The following ABLIM1 variants were observed in gnomAD, a reference collection of about 807,000 sequenced individuals.
ABLIM1 encodes the protein actin binding LIM protein 1, also known as actin-binding LIM protein 1.
ABLIM1 carries 40 observed loss-of-function variants against 107.0 expected under a neutral mutation model. The ratio of observed to expected loss-of-function variants is 0.37; its 90% confidence interval spans 0.29 to 0.49. ABLIM1 has a LOEUF of 0.49. Among genes scored for constraint, ABLIM1 ranks in the 20% least tolerant of loss-of-function variants. The probability of loss-of-function intolerance (pLI) is 0.97; values close to 1 mark genes in which losing one functional copy is unlikely to be tolerated. For missense variants in ABLIM1, 857 were observed against 1,008.5 expected (o/e 0.85, Z 2.04); for synonymous variants, 357 against 357.3 (o/e 1.00, Z 0.01).
chr10:114,647,278 C>T (rs2497700), intron 1 of ABLIM1, among the ~76,000 whole-genome samples: 3,254 of 146,132 alleles, frequency 0.022, 103 homozygotes, highest in African/African-American at 0.085. Flanking sequence ...AGATTACAGG[C>T]GTGAGCCACC....
In ABLIM1 at chr10:114,656,603, GA is replaced by G. The variant is rs976118893; in HGVS notation, c.244+1353del. On this transcript the variant is annotated intron_variant, in intron 1 of 22. Transcript: ENST00000533213. The stretch of plus-strand genomic sequence containing the variant: ...ACATTACCCATCTGACACGAAAAAA[GA>G]AAAAAAAACCTTGTATATGGATATG... 6.0e-5 allele frequency among the ~76,000 whole-genome samples: 9 copies of G among 149,794 alleles called. No homozygotes were observed. In the East Asian group the frequency reaches 1.2e-3, roughly 20 times the overall value.
chr10:114,651,137 C>T (rs1476385284), intron 1 of ABLIM1, among the ~76,000 whole-genome samples: 1 of 152,138 alleles, frequency 6.6e-6, no homozygotes, highest in Non-Finnish European at 1.5e-5. Flanking sequence ...GGCAGGGGGA[C>T]AATTTAATGC....
intron 12 of ABLIM1, 42 bp from the exon 13 acceptor site, chr10:114,453,525 G>C: frequency 7.0e-7 from 1 of 1,425,602 alleles, no homozygotes; most frequent in Non-Finnish European, 9.4e-7. Flanking sequence ...AGAGAAGGGA[G>C]AGAGAAACAA....
chr10:114,667,888 G>A (rs940244571), intron 1 of ABLIM1, among the ~76,000 whole-genome samples: 1 of 152,194 alleles, frequency 6.6e-6, no homozygotes, highest in African/African-American at 2.4e-5. Flanking sequence ...TCTCCAGTGT[G>A]TTAGAAATCA....
chr10:114,491,012 G>GTGTGTGTGTATATATATATATA, intron 7 of ABLIM1, among the ~76,000 whole-genome samples: 36 of 92,370 alleles, frequency 3.9e-4, no homozygotes, highest in African/African-American at 1.3e-3. Flanking sequence ...GTGTGTGTGT[G>GTGTGTGTGTATATATATATATA]TATATATATA....
At chr10:114,698,022 G>A (rs894122993) in intron 1 of ABLIM1, among the ~76,000 whole-genome samples, 1 of 151,620 alleles carries the variant, frequency 6.6e-6, no homozygotes, top group African/African-American at 2.4e-5. Context: ...CCCCCACATA[G>A]AAATCTCTGT....
At chr10:114,643,576 A>ATTTTTT (rs1214779180) in intron 1 of ABLIM1, among the ~76,000 whole-genome samples, 2 of 145,992 alleles carry the variant, frequency 1.4e-5, no homozygotes, top group African/African-American at 5.2e-5. Flanking sequence ...TTATATCCAG[A>ATTTTTT]TTCTTTTTTT....
At chr10:114,646,844 C>T (rs1425133111) in intron 1 of ABLIM1, among the ~76,000 whole-genome samples, 1 of 152,096 alleles carries the variant, frequency 6.6e-6, no homozygotes, top group Non-Finnish European at 1.5e-5. Context: ...TTAAAATAGA[C>T]CAATTGAACC....
chr10:114,591,622 CA>C (rs929755186), intron 2 of ABLIM1, among the ~76,000 whole-genome samples: 1 of 150,614 alleles, frequency 6.6e-6, no homozygotes, highest in African/African-American at 2.4e-5. Flanking sequence ...CTGGGAACCG[CA>C]AAAAAAAATT....
At chr10:114,504,208 T>C (rs1021204815) in intron 6 of ABLIM1, among the ~76,000 whole-genome samples, 3 of 152,170 alleles carry the variant, frequency 2.0e-5, no homozygotes, top group African/African-American at 7.2e-5. Flanking sequence ...TTGTTAACAA[T>C]ACCCTTTGTA....
Position 114,545,070 on chromosome 10 carries a change from A to G in ABLIM1, c.829T>C (p.Tyr277His), listed in dbSNP as rs767565289. The G allele has an allele frequency of 1.1e-5, 17 of 1,614,174 alleles. No homozygotes were observed. Among genetic ancestry groups the G allele is most frequent in the South Asian group, 2.2e-5 (2 of 91,082 alleles). The change falls in exon 6 of 23, where the codon TAC becomes CAC. Residue 277 changes from tyrosine (Y) to histidine (H), a missense_variant. By Grantham distance (83) the Tyr-to-His change is moderately conservative. This residue lies in a region of ABLIM1 where 381 missense variants were observed against 506.9 expected (regional missense o/e 0.75). Transcript: ENST00000533213. Reference sequence around the variant, plus strand: ...CATTTCACCCCAAAGAGTCCCTGGTAGTCCTTTTCACAGTACGGAGCACCA... The same window carrying G: ...CATTTCACCCCAAAGAGTCCCTGGTGGTCCTTTTCACAGTACGGAGCACCA... ...KDGAPYCEKD[Y>H]QGLFGVKCEA...
At chr10:114,777,753 T>G in the ABLIM1 span, among the ~76,000 whole-genome samples, 1 of 152,176 alleles carries the variant, frequency 6.6e-6, no homozygotes, top group African/African-American at 2.4e-5. Flanking sequence ...TCAAGCATGA[T>G]TCTTAGTCTT....
intron 1 of ABLIM1, among the ~76,000 whole-genome samples, chr10:114,767,132 A>ACT (rs1249995971): frequency 4.6e-5 from 3 of 64,826 alleles, no homozygotes; most frequent in Non-Finnish European, 9.5e-5. Context: ...TAATTATCCA[A>ACT]CACGTTATCA....
intron 4 of ABLIM1, among the ~76,000 whole-genome samples, chr10:114,551,958 T>C (rs2068113335): frequency 6.6e-6 from 1 of 152,134 alleles, no homozygotes; most frequent in South Asian, 2.1e-4. Flanking sequence ...CACTGAATGC[T>C]TACCAGCCAG....
Position 114,465,730 on chromosome 10 carries a change from G to A in ABLIM1, c.1409C>T (p.Thr470Met), listed in dbSNP as rs1373772536. 19 of 1,614,060 alleles carry A rather than the reference G, an allele frequency of 1.2e-5. No individual in the cohort carries two copies. Among genetic ancestry groups the A allele is most frequent in the Non-Finnish European group, 1.4e-5 (16 of 1,180,028 alleles). ...VYSRHSYTPT[T>M]SRSPQHFHRP... ...GTGGAAATGCTGGGGAGAGCGGGACGTGGTTGGAGTGTAGCTGTGGCGGCT... is the reference window on the plus strand; with the variant it reads ...GTGGAAATGCTGGGGAGAGCGGGACATGGTTGGAGTGTAGCTGTGGCGGCT... The change falls in exon 12 of 23, where the codon ACG (threonine) becomes ATG (methionine). Residue 470 changes from threonine to methionine, a missense_variant. By Grantham distance (81) the Thr-to-Met change is moderately conservative. Coordinates refer to ENST00000533213, the MANE Select transcript of ABLIM1 (RefSeq NM_002313.7).
intron 1 of ABLIM1, among the ~76,000 whole-genome samples, chr10:114,732,499 A>AT (rs11302235): frequency 3.9e-5 from 6 of 151,954 alleles, no homozygotes; most frequent in Admixed American, 6.6e-5. Flanking sequence ...ATTTGCAAAT[A>AT]TTTTTTCCCA....
intron 6 of ABLIM1, among the ~76,000 whole-genome samples, chr10:114,526,321 C>G (rs2064738401): frequency 6.6e-6 from 1 of 152,176 alleles, no homozygotes; most frequent in Non-Finnish European, 1.5e-5. Flanking sequence ...ACCACAGTCT[C>G]CTTTCAATCT....
intron 1 of ABLIM1, among the ~76,000 whole-genome samples, chr10:114,739,183 C>T (rs921200876): frequency 6.6e-6 from 1 of 152,174 alleles, no homozygotes; most frequent in African/African-American, 2.4e-5. Context: ...TCTCTAGTTT[C>T]CGATGTTTAC....
intron 10 of ABLIM1, among the ~76,000 whole-genome samples, chr10:114,470,616 GACA>G (rs1206932735): frequency 6.6e-6 from 1 of 152,070 alleles, no homozygotes; most frequent in African/African-American, 2.4e-5. Context: ...AAAACCATGG[GACA>G]TAATTCCAGG....
Sources: allele counts gnomAD v4.1 joint callset (sites outside exome capture counted in the v4.1 genomes callset), GRCh38; gene constraint gnomAD v4.1.1; regional missense constraint gnomAD v4.1.1; transcripts MANE v1.5; gene names NCBI Gene and HGNC (gene_info 2026-07-23, HGNC 2026-07-21).